Variants in SNED1 observed in about 807,000 individuals in gnomAD.
SNED1 encodes the protein sushi, nidogen and EGF-like domain-containing protein 1.
A neutral mutation model predicts 166.7 loss-of-function variants in SNED1; 81 were observed. The ratio of observed to expected loss-of-function variants is 0.49; its 90% CI spans 0.41 to 0.58. The LOEUF is 0.58. SNED1 is among the 20% of genes least tolerant of loss of function. SNED1 has a pLI of 0.00. For missense variants in SNED1, 1,604 were observed against 2,000.2 expected (o/e 0.80, Z 3.78); for synonymous variants, 762 against 822.0 (o/e 0.93, Z 1.25).
At position 241,018,911 on chromosome 2, in the gene SNED1, A is replaced by G. The variant is rs1358208394; in HGVS notation, c.214-11373A>G. 1.3e-5 allele frequency among the ~76,000 whole-genome samples: 2 copies of G among 152,186 alleles called. No homozygotes were observed. Among genetic ancestry groups the G allele is most frequent in the African/African-American group, 4.8e-5 (2 of 41,442 alleles). Reference sequence around the variant, plus strand: ...CAGCTGTCAGGGAAAGAGCCTTATCAGGCCCAGAAACGGTCAGGGCCAAAC... The same window carrying G: ...CAGCTGTCAGGGAAAGAGCCTTATCGGGCCCAGAAACGGTCAGGGCCAAAC... On this transcript the variant is annotated intron_variant, in intron 1 of 31. Coordinates refer to ENST00000310397, the MANE Select transcript of SNED1 (RefSeq NM_001080437.3). This position sits in a 1 kb window ranked among gnomAD's most constrained non-coding sequence, Gnocchi z 5.4.
chr2:241,090,003 T>A, intron 31 of SNED1: 1 of 1,549,346 alleles, frequency 6.5e-7, no homozygotes, highest in Non-Finnish European at 8.7e-7. Context: ...TTAGCGTAGC[T>A]GGAATGCGCA....
chr2:241,041,053 C>T (rs551370027), intron 8 of SNED1: 1 of 351,242 alleles, frequency 2.8e-6, no homozygotes, highest in African/African-American at 2.2e-5. Context: ...TAAAGACAAA[C>T]TATTCAGGTT....
chr2:241,036,375 C>T (rs1318872783), intron 4 of SNED1, among the ~76,000 whole-genome samples: 2 of 152,122 alleles, frequency 1.3e-5, no homozygotes, highest in South Asian at 2.1e-4. Context: ...CCAGCCACAC[C>T]CCCTGCGTGG....
chr2:241,032,954 C>G (rs911554804), intron 2 of SNED1, among the ~76,000 whole-genome samples: 6 of 152,250 alleles, frequency 3.9e-5, no homozygotes, highest in African/African-American at 1.4e-4. Flanking sequence ...GTTTGCCATT[C>G]AATTTGATCT....
At chr2:241,032,515 TAGGAG>T in intron 2 of SNED1, among the ~76,000 whole-genome samples, 1 of 151,202 alleles carries the variant, frequency 6.6e-6, no homozygotes, top group South Asian at 2.1e-4. Context: ...GGGATAGCAT[TAGGAG>T]ACACACCTAA....
At chr2:241,056,806 C>A (rs1290634876) in intron 16 of SNED1, among the ~76,000 whole-genome samples, 1 of 151,822 alleles carries the variant, frequency 6.6e-6, no homozygotes, top group Non-Finnish European at 1.5e-5. Flanking sequence ...TGGTCTCGAT[C>A]TCCTGACCTC....
chr2:241,002,720 C>G (rs1158264001), intron 1 of SNED1, among the ~76,000 whole-genome samples: 1 of 152,104 alleles, frequency 6.6e-6, no homozygotes, highest in African/African-American at 2.4e-5. Context: ...AACCGAGGCT[C>G]AGAATGCAGA....
chr2:241,057,412 T>TATATGC lies in SNED1; in HGVS notation c.2257+4086_2257+4087insATATGC, dbSNP rs1553574678. Among the ~76,000 whole-genome samples, 735 of 129,318 alleles carry TATATGC rather than the reference T, an allele frequency of 5.7e-3. 12 individuals carry two copies. Among genetic ancestry groups the TATATGC allele is most frequent in the African/African-American group, 0.021 (706 of 33,810 alleles). The allele number at this position is 129,318 out of a possible 152,430, so 84.8% of individuals were successfully genotyped here. On this transcript the variant is annotated intron_variant, in intron 16 of 31. Coordinates refer to ENST00000310397, the MANE Select transcript of SNED1 (RefSeq NM_001080437.3). ...ATATATATATATATATATATATATA[T>TATATGC]GCCATACGCAGTGGCTCACACATAT... is the stretch of plus-strand genomic sequence containing the variant.
In SNED1 at chr2:241,048,973, G is replaced by T. The variant is rs183760486; in HGVS notation, c.1505-49G>T. ...CATCCTTGACAAGGACTCGAGGTCTGCTGGAAGACATGTGGAATATGGGAT... is the reference window on the plus strand; with the variant it reads ...CATCCTTGACAAGGACTCGAGGTCTTCTGGAAGACATGTGGAATATGGGAT... On this transcript the variant is annotated intron_variant, in intron 10 of 31. Coordinates refer to ENST00000310397, the MANE Select transcript of SNED1 (RefSeq NM_001080437.3). The T allele has an allele frequency of 2.1e-4, 323 of 1,507,770 alleles. 1 individual carries two copies. In the African/African-American group the frequency reaches 4.1e-3, roughly 19 times the overall value. 93.4% of individuals were successfully genotyped at this position (1,507,770 alleles called of 1,614,324 possible).
intron 1 of SNED1, among the ~76,000 whole-genome samples, chr2:241,020,897 C>G (rs1208949520): frequency 6.6e-6 from 1 of 152,188 alleles, no homozygotes; most frequent in Non-Finnish European, 1.5e-5. Context: ...ATGCCACAGT[C>G]CCTGAAAGTC....
chr2:241,012,974 T>C (rs909151120), intron 1 of SNED1, among the ~76,000 whole-genome samples: 2 of 152,092 alleles, frequency 1.3e-5, no homozygotes, highest in African/African-American at 2.4e-5. Flanking sequence ...TAGCTGGGAC[T>C]ACAGGTGCCC....
At chr2:241,049,776 C>G (rs200948658) in intron 11 of SNED1, 41 bp from the exon 12 acceptor site, 20 of 1,495,670 alleles carry the variant, frequency 1.3e-5, no homozygotes, top group Middle Eastern at 1.9e-4. Context: ...CGCACAGATG[C>G]GGCGTAAGCT....
intron 29 of SNED1, among the ~76,000 whole-genome samples, chr2:241,084,848 AT>A (rs968090177): frequency 9.3e-5 from 14 of 150,412 alleles, no homozygotes; most frequent in African/African-American, 1.7e-4. Flanking sequence ...GTCTGAAACT[AT>A]TTTTTTTTCA....
chr2:241,092,044 T>G lies in SNED1; in HGVS notation c.*408T>G, dbSNP rs536391404. 5 of 152,344 alleles carry G rather than the reference T, an allele frequency of 3.3e-5. No homozygotes were observed. The highest frequency in any genetic ancestry group is 3.3e-4 in the Admixed American group (5 of 15,296). The allele number at this position is 152,344 out of a possible 1,614,324, so 9.4% of individuals were successfully genotyped here. On this transcript the variant is annotated 3_prime_UTR_variant, in exon 32 of 32. Coordinates refer to ENST00000310397, the MANE Select transcript of SNED1 (RefSeq NM_001080437.3). The surrounding 1 kb of genome is among the most constrained non-coding windows in gnomAD (Gnocchi z 4.6). ...GACTCCAAAGCCAGAGAAAGAATTC[T>G]CCCTTCGAGGCCCAACAAATTGAGA...
chr2:241,089,939 C>T (rs1452230888), intron 31 of SNED1: 2 of 1,537,586 alleles, frequency 1.3e-6, no homozygotes, highest in African/African-American at 1.4e-5. Context: ...ACGTAGAAAA[C>T]CTACAGTAAA....
At chr2:241,037,448 G>C in intron 6 of SNED1, 95 bp downstream of exon 6, 2 of 829,856 alleles carry the variant, frequency 2.4e-6, no homozygotes, top group African/African-American at 1.7e-5. Context: ...AGGTCCAGCA[G>C]CTGTGCATGC....
At chr2:241,004,617 A>G (rs890453698) in intron 1 of SNED1, among the ~76,000 whole-genome samples, 8 of 152,240 alleles carry the variant, frequency 5.3e-5, no homozygotes, top group Middle Eastern at 3.2e-3. Flanking sequence ...GTATGATATA[A>G]TAATCTTATA....
intron 8 of SNED1, among the ~76,000 whole-genome samples, chr2:241,041,853 C>G (rs2061529709): frequency 1.3e-5 from 2 of 152,206 alleles, no homozygotes; most frequent in African/African-American, 4.8e-5. Flanking sequence ...TAGTCTTCTG[C>G]TTCTGGCCAA....
intron 6 of SNED1, among the ~76,000 whole-genome samples, chr2:241,039,293 G>A (rs548159359): frequency 6.6e-6 from 1 of 152,290 alleles, no homozygotes; most frequent in South Asian, 2.1e-4. Context: ...TGGGGGAGTA[G>A]TCAGGCCCTC....
Sources: allele counts gnomAD v4.1 joint callset (sites outside exome capture counted in the v4.1 genomes callset), GRCh38; gene constraint gnomAD v4.1.1; non-coding constraint Gnocchi (gnomAD v3.1); transcripts MANE v1.5; gene names NCBI Gene and HGNC (gene_info 2026-07-23, HGNC 2026-07-21).